EPSTI1: variants seen among roughly 807,000 people sequenced by gnomAD.
The protein encoded by EPSTI1 is epithelial stromal interaction 1.
In EPSTI1, 66 loss-of-function variants were observed where a neutral mutation model predicts 49.9. The ratio of observed to expected loss-of-function variants is 1.32; its 90% CI spans 1.08 to 1.62. The LOEUF is 1.62. Ranked by LOEUF, EPSTI1 falls within the 40% of genes most tolerant of loss-of-function variation. The pLI, the probability that EPSTI1 is intolerant of heterozygous loss-of-function variation, is 0.00. For missense variants in EPSTI1, 394 were observed against 365.5 expected (o/e 1.08, Z -0.64); for synonymous variants, 137 against 130.7 (o/e 1.05, Z -0.33).
At chr13:42,899,027 G>A (rs58808921) in intron 9 of EPSTI1, among the ~76,000 whole-genome samples, 13,504 of 151,612 alleles carry the variant, frequency 0.089, 788 homozygotes, top group East Asian at 0.29. Context: ...GTGAAACCCC[G>A]TCTCCACTAA....
intron 1 of EPSTI1, among the ~76,000 whole-genome samples, chr13:42,974,658 C>CAAAA (rs61128582): frequency 8.2e-6 from 1 of 121,482 alleles, no homozygotes; most frequent in South Asian, 2.7e-4. Context: ...GACTCCGTCT[C>CAAAA]AAAAAAAAAA....
chr13:42,968,692 C>T (rs1448603760), intron 3 of EPSTI1, among the ~76,000 whole-genome samples: 4 of 152,066 alleles, frequency 2.6e-5, no homozygotes, highest in Non-Finnish European at 5.9e-5. Flanking sequence ...CTCTCCACTC[C>T]TTTTCTTCAG....
intron 8 of EPSTI1, among the ~76,000 whole-genome samples, chr13:42,908,928 CA>C (rs60335271): frequency 0.47 from 63,184 of 133,284 alleles, 15,141 homozygotes; most frequent in Non-Finnish European, 0.57. Context: ...ACTAAAAATA[CA>C]AAAAAAAAAA....
Position 42,917,643 on chromosome 13 carries a change from A to G in EPSTI1, c.658-19T>C, listed in dbSNP as rs764921366. On this transcript the variant is annotated intron_variant, in intron 7 of 10. Coordinates refer to ENST00000313624, the MANE Select transcript of EPSTI1 (RefSeq NM_033255.5). The stretch of plus-strand genomic sequence containing the variant: ...TTCTGGCCTGTAAAGGTACAAAGAG[A>G]AAAAAAAAAAAAAAAACAACTTGAT... 7 of 1,193,204 alleles carry G rather than the reference A, an allele frequency of 5.9e-6. No individual in the cohort carries two copies. Among genetic ancestry groups the G allele is most frequent in the African/African-American group, 3.8e-5 (1 of 26,046 alleles). 73.9% of individuals were successfully genotyped at this position (1,193,204 alleles called of 1,614,324 possible). A position where few individuals can be genotyped will look rare whatever the true frequency, so the allele number is the denominator to read the frequency against.
At position 42,916,274 on chromosome 13, in the gene EPSTI1, A is replaced by T. The variant is rs1462843163; in HGVS notation, c.741+1267T>A. On this transcript the variant is annotated intron_variant, in intron 8 of 10. Transcript: ENST00000313624. ...GCCAAGACAAAAAGATATTTATTTAAAAAAAAAAAAAACACTAAGGGATAA... is the reference window on the plus strand; with the variant it reads ...GCCAAGACAAAAAGATATTTATTTATAAAAAAAAAAAACACTAAGGGATAA... 2.1e-3 allele frequency among the ~76,000 whole-genome samples: 19 copies of T among 9,034 alleles called. No homozygotes were observed. In the South Asian group the frequency reaches 0.053, roughly 25 times the overall value. 5.9% of individuals were successfully genotyped at this position (9,034 alleles called of 152,430 possible). A position where few individuals can be genotyped will look rare whatever the true frequency, so the allele number is the denominator to read the frequency against.
At chr13:42,949,372 A>C (rs904780803) in intron 6 of EPSTI1, among the ~76,000 whole-genome samples, 5 of 152,076 alleles carry the variant, frequency 3.3e-5, no homozygotes, top group African/African-American at 1.2e-4. Flanking sequence ...GGTGGATCAC[A>C]TGAGGTCAGG....
At chr13:42,958,192 G>A (rs1052262672) in intron 5 of EPSTI1, among the ~76,000 whole-genome samples, 1 of 152,046 alleles carries the variant, frequency 6.6e-6, no homozygotes, top group Non-Finnish European at 1.5e-5. Context: ...AAAGGAATCA[G>A]AGAAGGTAAG....
At chr13:42,896,259 T>A (rs1799425494) in intron 9 of EPSTI1, among the ~76,000 whole-genome samples, 1 of 152,212 alleles carries the variant, frequency 6.6e-6, no homozygotes, top group African/African-American at 2.4e-5. Context: ...CTAGTCAGCC[T>A]GCTTCACTGC....
chr13:42,928,786 G>A (rs2038268190), intron 6 of EPSTI1, among the ~76,000 whole-genome samples: 1 of 152,310 alleles, frequency 6.6e-6, no homozygotes, highest in South Asian at 2.1e-4. Flanking sequence ...CTCCCTTGCA[G>A]CTAAGGTTGG....
chr13:42,983,993 T>C (rs1476510687), intron 1 of EPSTI1, among the ~76,000 whole-genome samples: 1 of 152,220 alleles, frequency 6.6e-6, no homozygotes, highest in East Asian at 1.9e-4. Flanking sequence ...ATTTCAAAAA[T>C]AAGTCAAATA....
chr13:42,916,318 C>T (rs1393322900), intron 8 of EPSTI1, among the ~76,000 whole-genome samples: 4 of 150,672 alleles, frequency 2.7e-5, no homozygotes, highest in African/African-American at 9.7e-5. Context: ...CATGATTCGT[C>T]TTTCTTACAC....
chr13:42,929,720 T>A (rs1474385866), intron 6 of EPSTI1, among the ~76,000 whole-genome samples: 1 of 152,230 alleles, frequency 6.6e-6, no homozygotes, highest in African/African-American at 2.4e-5. Flanking sequence ...AATATTTATC[T>A]TTTTTAATTA....
At chr13:42,968,463 A>T (rs1476385692) in intron 3 of EPSTI1, among the ~76,000 whole-genome samples, 3 of 152,164 alleles carry the variant, frequency 2.0e-5, no homozygotes. Context: ...TGCTGATAGA[A>T]GAGAAAAAGC....
intron 8 of EPSTI1, among the ~76,000 whole-genome samples, chr13:42,911,922 T>A (rs1394640891): frequency 6.6e-6 from 1 of 152,214 alleles, no homozygotes; most frequent in Admixed American, 6.5e-5. Flanking sequence ...AATGTTGTAA[T>A]TTTGAGTACA....
intron 1 of EPSTI1, among the ~76,000 whole-genome samples, chr13:42,978,834 G>A (rs929035225): frequency 6.6e-5 from 10 of 152,214 alleles, no homozygotes; most frequent in African/African-American, 2.4e-4. Flanking sequence ...GAATCACTAG[G>A]ACATCTCCTT....
chr13:42,886,995 G>A lies in EPSTI1; in HGVS notation c.*1499C>T, dbSNP rs1396717582. ...TAGACGCAAAAATCGGAACACAACT[G>A]TAAGGTAGCCAGGCTGGCAGGTGTA... On this transcript the variant is annotated 3_prime_UTR_variant, in exon 11 of 11. Coordinates refer to ENST00000313624, the MANE Select transcript of EPSTI1 (RefSeq NM_033255.5). 1 of 145,124 alleles carries A rather than the reference G, an allele frequency of 6.9e-6. No homozygotes were observed. The highest frequency in any genetic ancestry group is 6.9e-5 in the Admixed American group (1 of 14,530). The allele number at this position is 145,124 out of a possible 1,614,324, so 9.0% of individuals were successfully genotyped here. A position where few individuals can be genotyped will look rare whatever the true frequency, so the allele number is the denominator to read the frequency against.
chr13:42,970,126 C>T (rs1404561396), intron 2 of EPSTI1: 1 of 152,276 alleles, frequency 6.6e-6, no homozygotes, highest in South Asian at 2.1e-4. Context: ...AGGAGACCAT[C>T]GAATTTCAGC....
rs545565623 is a variant in EPSTI1 at position 42,948,127 on chromosome 13, G to A, written c.563+5821C>T. On this transcript the variant is annotated intron_variant, in intron 6 of 10. Coordinates refer to ENST00000313624, the MANE Select transcript of EPSTI1 (RefSeq NM_033255.5). ...CACACCGGCGCCACCCAAAGCGGCT[G>A]CATCCTGAAGGCTTCATCTAGGCCA... 7.9e-5 allele frequency among the ~76,000 whole-genome samples: 12 copies of A among 152,394 alleles called. No individual in the cohort carries two copies. In the East Asian group the frequency reaches 2.1e-3, roughly 27 times the overall value.
chr13:42,969,411 A>C, intron 2 of EPSTI1: 1 of 468,748 alleles, frequency 2.1e-6, no homozygotes. Flanking sequence ...GAATTTGAAA[A>C]ACCACCTGGG....
Sources: gnomAD v4.1 joint callset for allele counts (sites outside exome capture counted in the v4.1 genomes callset) on GRCh38, gnomAD v4.1.1 for gene constraint, MANE v1.5 for transcripts, NCBI Gene and HGNC (gene_info 2026-07-23, HGNC 2026-07-21) for gene names.